Variants in KCNIP4 observed in about 807,000 individuals in gnomAD.
The protein encoded by KCNIP4 is potassium voltage-gated channel interacting protein 4, also known as Kv channel-interacting protein 4.
KCNIP4 carries 12 observed loss-of-function variants against 34.0 expected under a neutral mutation model. That is an observed-to-expected ratio of 0.35 (90% CI 0.23 to 0.57). The LOEUF is 0.57. KCNIP4 is among the 20% of genes least tolerant of loss of function. The probability of loss-of-function intolerance (pLI) is 0.83; values close to 1 mark genes in which losing one functional copy is unlikely to be tolerated. For synonymous variants in KCNIP4, 124 were observed against 102.2 expected (o/e 1.21, Z -1.29); for missense variants, 238 against 311.7 (o/e 0.76, Z 1.78).
At chr4:21,615,322 C>T (rs1391691454) in intron 1 of KCNIP4, among the ~76,000 whole-genome samples, 1 of 151,390 alleles carries the variant, frequency 6.6e-6, no homozygotes, top group Non-Finnish European at 1.5e-5. Flanking sequence ...GGGCGGATCA[C>T]GAGGTCAGAA....
At chr4:21,767,589 CTTA>C (rs1402221420) in intron 1 of KCNIP4, among the ~76,000 whole-genome samples, 3 of 151,856 alleles carry the variant, frequency 2.0e-5, no homozygotes, top group Non-Finnish European at 4.4e-5. Flanking sequence ...CTTTTTTTAG[CTTA>C]TTTTTATTTC....
At chr4:20,952,865 T>C (rs1009403564) in intron 1 of KCNIP4, among the ~76,000 whole-genome samples, 1 of 152,212 alleles carries the variant, frequency 6.6e-6, no homozygotes, top group Admixed American at 6.5e-5. Context: ...TAAGATCAAG[T>C]GCTGGGAGAT....
intron 3 of KCNIP4, among the ~76,000 whole-genome samples, chr4:20,789,884 TACAGCAAAAGCTAA>T (rs1267079014): frequency 6.6e-6 from 1 of 152,044 alleles, no homozygotes; most frequent in Non-Finnish European, 1.5e-5. Flanking sequence ...GGGTTTGTTA[TACAGCAAAAGCTAA>T]CTTTGTAGAA....
intron 3 of KCNIP4, among the ~76,000 whole-genome samples, chr4:20,824,120 C>T (rs531406693): frequency 9.5e-4 from 145 of 152,210 alleles, no homozygotes; most frequent in African/African-American, 3.2e-3. Context: ...GAACATGTTG[C>T]TGAATATTAC....
chr4:21,370,850 T>TACACACACACACACACAC (rs376590317), intron 1 of KCNIP4, among the ~76,000 whole-genome samples: 1 of 14,844 alleles, frequency 6.7e-5, no homozygotes, highest in Non-Finnish European at 1.1e-4. Context: ...TATATATATA[T>TACACACACACACACACAC]ACACACACAC....
chr4:20,843,555 C>A (rs1362649243), intron 3 of KCNIP4, among the ~76,000 whole-genome samples: 1 of 152,122 alleles, frequency 6.6e-6, no homozygotes, highest in Non-Finnish European at 1.5e-5. Context: ...CATGGTGAAA[C>A]CCCGTCTCTA....
At chr4:21,534,270 G>A (rs930746206) in intron 1 of KCNIP4, among the ~76,000 whole-genome samples, 2 of 152,110 alleles carry the variant, frequency 1.3e-5, no homozygotes, top group Non-Finnish European at 2.9e-5. Context: ...TGGGGAGATC[G>A]ATGTTGTCTT....
chr4:21,623,937 C>G (rs1471338341), intron 1 of KCNIP4, among the ~76,000 whole-genome samples: 1 of 152,156 alleles, frequency 6.6e-6, no homozygotes, highest in Non-Finnish European at 1.5e-5. Flanking sequence ...TAATAACCTT[C>G]CTTTCTGCTC....
At chr4:21,194,902 T>G (rs1234400280) in intron 1 of KCNIP4, among the ~76,000 whole-genome samples, 1 of 152,206 alleles carries the variant, frequency 6.6e-6, no homozygotes, top group Non-Finnish European at 1.5e-5. Context: ...GCAGCCATTT[T>G]TTTCTTTTAA....
intron 1 of KCNIP4, among the ~76,000 whole-genome samples, chr4:21,657,840 AAT>A (rs1491434414): frequency 3.4e-5 from 4 of 116,238 alleles, no homozygotes; most frequent in African/African-American, 1.4e-4. Flanking sequence ...GTTTAAACAT[AAT>A]TTTTTTTTTT....
chr4:21,877,822 A>G (rs1389521776), intron 1 of KCNIP4, among the ~76,000 whole-genome samples: 4 of 152,192 alleles, frequency 2.6e-5, no homozygotes, highest in Non-Finnish European at 4.4e-5. Flanking sequence ...CTTAGATATT[A>G]AATCTTGGTC....
intron 1 of KCNIP4, among the ~76,000 whole-genome samples, chr4:21,293,345 A>AT (rs991144110): frequency 8.5e-5 from 13 of 152,108 alleles, no homozygotes; most frequent in Admixed American, 1.3e-4. Flanking sequence ...AAGTCTATGG[A>AT]TTTTTTTAAA....
At chr4:21,537,486 T>G (rs547317361) in intron 1 of KCNIP4, among the ~76,000 whole-genome samples, 1 of 152,266 alleles carries the variant, frequency 6.6e-6, no homozygotes, top group East Asian at 1.9e-4. Context: ...GTGTGTATAA[T>G]GTAGCCCTTG....
At chr4:21,449,102 G>T (rs906462089) in intron 1 of KCNIP4, among the ~76,000 whole-genome samples, 1 of 152,334 alleles carries the variant, frequency 6.6e-6, no homozygotes, top group Admixed American at 6.5e-5. Flanking sequence ...GGCCCAGAAG[G>T]TGCTGGTGTC....
At chr4:21,166,695 T>C (rs547142379) in intron 1 of KCNIP4, among the ~76,000 whole-genome samples, 1 of 152,050 alleles carries the variant, frequency 6.6e-6, no homozygotes, top group South Asian at 2.1e-4. Context: ...ACCCAGCACT[T>C]TGGGAGGCCA....
At chr4:21,888,671 G>A (rs1370949888) in intron 1 of KCNIP4, among the ~76,000 whole-genome samples, 1 of 152,000 alleles carries the variant, frequency 6.6e-6, no homozygotes, top group Non-Finnish European at 1.5e-5. Context: ...TGTATGCTCT[G>A]TGTCATTACA....
At chr4:21,093,403 G>A (rs10019212) in intron 1 of KCNIP4, among the ~76,000 whole-genome samples, 3,662 of 152,248 alleles carry the variant, frequency 0.024, 141 homozygotes, top group African/African-American at 0.082. Context: ...TAAGCTGAAT[G>A]CAAGATACCT....
intron 1 of KCNIP4, among the ~76,000 whole-genome samples, chr4:21,216,098 T>G (rs1757557724): frequency 6.6e-6 from 1 of 152,156 alleles, no homozygotes; most frequent in Non-Finnish European, 1.5e-5. Flanking sequence ...GCCCAAGATA[T>G]TTTCACAGTT....
Position 21,519,773 on chromosome 4 carries a change from A to G in KCNIP4, c.61+428798T>C, listed in dbSNP as rs367736518. Among the ~76,000 whole-genome samples, 11 of 137,392 alleles carry G rather than the reference A, an allele frequency of 8.0e-5. No homozygotes were observed. In the South Asian group the frequency reaches 1.7e-3, roughly 21 times the overall value. The allele number at this position is 137,392 out of a possible 152,430, so 90.1% of individuals were successfully genotyped here. On this transcript the variant is annotated intron_variant, in intron 1 of 8. Transcript: ENST00000382152. The stretch of plus-strand genomic sequence containing the variant: ...CGTGTGTGTATGTATGTGTGTATAC[A>G]CACGTGTGTGTATGTGTGTGTATAC...
Sources: allele counts gnomAD v4.1 joint callset (sites outside exome capture counted in the v4.1 genomes callset), GRCh38; gene constraint gnomAD v4.1.1; transcripts MANE v1.5; gene names NCBI Gene and HGNC (gene_info 2026-07-23, HGNC 2026-07-21).